The following CORO2B variants were observed in gnomAD, a reference collection of about 807,000 sequenced individuals.
CORO2B encodes coronin-2B.
A neutral mutation model predicts 58.8 loss-of-function variants in CORO2B; 26 were observed. The observed-to-expected ratio is 0.44, with a 90% confidence interval of 0.32 to 0.61. The LOEUF is 0.61. Ranked by LOEUF, CORO2B falls within the 20% of genes least tolerant of loss-of-function variation. CORO2B has a pLI of 0.04. For synonymous variants in CORO2B, 242 were observed against 253.8 expected (o/e 0.95, Z 0.44); for missense variants, 460 against 645.1 (o/e 0.71, Z 3.11).
chr15:68,532,025 CTG>C, the CORO2B span, among the ~76,000 whole-genome samples: 1 of 152,004 alleles, frequency 6.6e-6, no homozygotes, highest in East Asian at 1.9e-4. Flanking sequence ...GATAAAAAGT[CTG>C]TGGTATTTTA....
intron 1 of CORO2B, among the ~76,000 whole-genome samples, chr15:68,586,882 A>G (rs1335467080): frequency 6.6e-6 from 1 of 152,168 alleles, no homozygotes; most frequent in Non-Finnish European, 1.5e-5. Flanking sequence ...GCTCTCAGGC[A>G]GGAGGGAGAA....
chr15:68,566,203 T>C, the CORO2B span, among the ~76,000 whole-genome samples: 1 of 152,184 alleles, frequency 6.6e-6, no homozygotes, highest in Non-Finnish European at 1.5e-5. Context: ...AACCCTGTTT[T>C]ACAGTGGAGA....
intron 1 of CORO2B, among the ~76,000 whole-genome samples, chr15:68,591,754 A>G (rs777608172): frequency 2.0e-5 from 3 of 152,142 alleles, no homozygotes; most frequent in Non-Finnish European, 2.9e-5. Context: ...ACTCCATGGT[A>G]TGGGCCTTTC....
chr15:68,567,371 G>A, the CORO2B span, among the ~76,000 whole-genome samples: 2 of 152,242 alleles, frequency 1.3e-5, no homozygotes, highest in Non-Finnish European at 2.9e-5. Context: ...GAGAAGAAGT[G>A]ACAGGACAAA....
chr15:68,652,208 T>C (rs150770067), intron 2 of CORO2B, among the ~76,000 whole-genome samples: 2 of 152,312 alleles, frequency 1.3e-5, no homozygotes, highest in Non-Finnish European at 2.9e-5. Context: ...CCAGGTCTCT[T>C]ATTCGGGCTG....
chr15:68,625,953 G>C (rs1261011830), intron 1 of CORO2B, among the ~76,000 whole-genome samples: 1 of 152,154 alleles, frequency 6.6e-6, no homozygotes, highest in Non-Finnish European at 1.5e-5. Context: ...GGTATCAGTA[G>C]TTTGCTCCTT....
At chr15:68,672,467 T>TG (rs1193349829) in intron 2 of CORO2B, among the ~76,000 whole-genome samples, 3 of 152,020 alleles carry the variant, frequency 2.0e-5, no homozygotes, top group African/African-American at 7.2e-5. Context: ...TGTGTACAGA[T>TG]GGGGTCTCAC....
chr15:68,573,229 G>T, the CORO2B span, among the ~76,000 whole-genome samples: 1 of 152,158 alleles, frequency 6.6e-6, no homozygotes, highest in African/African-American at 2.4e-5. Flanking sequence ...GTCGGCATAT[G>T]TGCATTGTAC....
the CORO2B span, among the ~76,000 whole-genome samples, chr15:68,533,892 G>A: frequency 6.6e-6 from 1 of 152,136 alleles, no homozygotes; most frequent in Admixed American, 6.5e-5. Flanking sequence ...GCCCTCACAA[G>A]CTTGTGCCCA....
At chr15:68,592,262 A>C (rs867394132) in intron 1 of CORO2B, among the ~76,000 whole-genome samples, 1 of 152,164 alleles carries the variant, frequency 6.6e-6, no homozygotes, top group Non-Finnish European at 1.5e-5. Context: ...ATTGTCATAC[A>C]TGTGGTGTAA....
At position 68,717,129 on chromosome 15, in the gene CORO2B, C is replaced by T. The variant is rs78115722; in HGVS notation, c.968-1569C>T. On this transcript the variant is annotated intron_variant, in intron 8 of 11. Transcript: ENST00000261861. ...GACCAGTCTGGCCAATATGGTGAAA[C>T]CCTGTCTCTAAACCCTGTCACCAAA... Among the ~76,000 whole-genome samples the T allele has an allele frequency of 2.7e-3, 408 of 152,046 alleles. 11 individuals carry two copies. In the East Asian group the frequency reaches 0.072, roughly 27 times the overall value.
intron 2 of CORO2B, among the ~76,000 whole-genome samples, chr15:68,646,095 C>T (rs1410304185): frequency 1.3e-5 from 2 of 151,864 alleles, no homozygotes; most frequent in African/African-American, 4.8e-5. Flanking sequence ...TTTTTAATTG[C>T]TCTCTACTGA....
In CORO2B at chr15:68,579,218, C is replaced by G; in HGVS notation, c.-45C>G. On this transcript the variant is annotated 5_prime_UTR_variant, in exon 1 of 12. Coordinates refer to ENST00000261861, the MANE Select transcript of CORO2B (RefSeq NM_006091.5). ...GCCGCCCCGGGCCGCCGCCGCCGCC[C>G]CCGCACGCCGCGCCCGCGCCCCCGC... is the stretch of plus-strand genomic sequence containing the variant. 1.9e-6 allele frequency: 2 copies of G among 1,064,576 alleles called. No individual in the cohort carries two copies. Among genetic ancestry groups the G allele is most frequent in the Non-Finnish European group, 2.3e-6 (2 of 884,730 alleles). 65.9% of individuals were successfully genotyped at this position (1,064,576 alleles called of 1,614,324 possible). A position where few individuals can be genotyped will look rare whatever the true frequency, so the allele number is the denominator to read the frequency against.
At chr15:68,631,470 G>A (rs1048647995) in intron 1 of CORO2B, among the ~76,000 whole-genome samples, 1 of 152,186 alleles carries the variant, frequency 6.6e-6, no homozygotes, top group Non-Finnish European at 1.5e-5. Context: ...GTGGCGCTAG[G>A]ATTTAAACCT....
chr15:68,589,899 C>T (rs1439789091), intron 1 of CORO2B, among the ~76,000 whole-genome samples: 3 of 152,312 alleles, frequency 2.0e-5, no homozygotes, highest in East Asian at 1.9e-4. Flanking sequence ...CATCAGGCTG[C>T]GGCTGCCCAG....
chr15:68,521,487 A>T, the CORO2B span, among the ~76,000 whole-genome samples: 1 of 152,184 alleles, frequency 6.6e-6, no homozygotes, highest in African/African-American at 2.4e-5. Flanking sequence ...GTTTATTTAG[A>T]TGTACCCACA....
chr15:68,524,272 C>G, the CORO2B span, among the ~76,000 whole-genome samples: 8 of 152,140 alleles, frequency 5.3e-5, no homozygotes, highest in South Asian at 1.7e-3. Context: ...TCACTAGAAA[C>G]TTTGGTCTGA....
intron 2 of CORO2B, among the ~76,000 whole-genome samples, chr15:68,647,191 G>T (rs1252178953): frequency 2.6e-5 from 4 of 152,122 alleles, no homozygotes; most frequent in African/African-American, 9.7e-5. Context: ...ATGAAGAAAG[G>T]CTTCCTAAGA....
At chr15:68,703,290 A>T (rs1892704025) in intron 3 of CORO2B, among the ~76,000 whole-genome samples, 1 of 150,324 alleles carries the variant, frequency 6.7e-6, no homozygotes, top group Non-Finnish European at 1.5e-5. Context: ...AGCTGGGATT[A>T]CAGGCACGCG....
Sources: gnomAD v4.1 joint callset for allele counts (sites outside exome capture counted in the v4.1 genomes callset) on GRCh38, gnomAD v4.1.1 for gene constraint, MANE v1.5 for transcripts, NCBI Gene and HGNC (gene_info 2026-07-23, HGNC 2026-07-21) for gene names.